INTS4: variants seen among roughly 807,000 people sequenced by gnomAD.
The protein encoded by INTS4 is MSTP093.
INTS4 carries 70 observed loss-of-function variants against 119.5 expected under a neutral mutation model. That is an observed-to-expected ratio of 0.59 (90% CI 0.48 to 0.71). The LOEUF is 0.71. INTS4 is among the 30% of genes least tolerant of loss of function. The pLI, the probability that INTS4 is intolerant of heterozygous loss-of-function variation, is 0.00. For synonymous variants in INTS4, 316 were observed against 419.6 expected, an observed-to-expected ratio of 0.75 and a Z score of 3.02; for missense variants, 867 against 1,173.2, an observed-to-expected ratio of 0.74 and a Z score of 3.81.
intron 18 of INTS4, among the ~76,000 whole-genome samples, chr11:77,895,970 T>C (rs865948172): frequency 4.3e-4 from 65 of 152,272 alleles, no homozygotes; most frequent in African/African-American, 1.4e-3. Flanking sequence ...TTTAAACTAG[T>C]CTAGACTTTC....
chr11:77,956,127 G>C, intron 7 of INTS4, 65 bp from the exon 8 acceptor site: 1 of 1,533,780 alleles, frequency 6.5e-7, no homozygotes, highest in African/African-American at 1.4e-5. Flanking sequence ...TGCAGGCTCA[G>C]GCCAGGCACA....
At chr11:77,926,784 C>T (rs1953513001) in intron 11 of INTS4, among the ~76,000 whole-genome samples, 1 of 149,232 alleles carries the variant, frequency 6.7e-6, no homozygotes, top group South Asian at 2.1e-4. Context: ...CGCACTCCAC[C>T]CTGGGGAACA....
chr11:77,901,090 G>A (rs1310126266), intron 18 of INTS4, among the ~76,000 whole-genome samples: 1 of 152,142 alleles, frequency 6.6e-6, no homozygotes, highest in Non-Finnish European at 1.5e-5. Flanking sequence ...AGAAAAAGTG[G>A]TCCCTGGCAC....
chr11:77,976,010 C>T (rs1050657822), intron 4 of INTS4, among the ~76,000 whole-genome samples: 1 of 149,370 alleles, frequency 6.7e-6, no homozygotes, highest in African/African-American at 2.4e-5. Flanking sequence ...CACACACAAA[C>T]TCCATATGCT....
chr11:77,929,352 C>T (rs1291932460), intron 10 of INTS4, among the ~76,000 whole-genome samples: 2 of 152,154 alleles, frequency 1.3e-5, no homozygotes, highest in Non-Finnish European at 2.9e-5. Context: ...TAACGTCGAT[C>T]TAAGAACATG....
At chr11:77,933,325 T>C (rs908387161) in intron 10 of INTS4, among the ~76,000 whole-genome samples, 22 of 151,814 alleles carry the variant, frequency 1.4e-4, no homozygotes, top group African/African-American at 4.6e-4. Context: ...CCTCCCTGCC[T>C]GATTGTCCTG....
chr11:77,912,772 A>G (rs1181150685), intron 15 of INTS4, among the ~76,000 whole-genome samples: 2 of 152,224 alleles, frequency 1.3e-5, no homozygotes, highest in Admixed American at 1.3e-4. Context: ...GACAGATTAC[A>G]AACGTGTATT....
chr11:77,929,460 T>C (rs1953592626), intron 10 of INTS4, among the ~76,000 whole-genome samples: 1 of 152,222 alleles, frequency 6.6e-6, no homozygotes, highest in African/African-American at 2.4e-5. Context: ...AATTAAATTG[T>C]CTTACTTATC....
At chr11:77,878,298 G>C (rs979276043), downstream of INTS4, among the ~76,000 whole-genome samples, 5 of 151,370 alleles carry the variant, frequency 3.3e-5, no homozygotes, top group East Asian at 9.7e-4. Context: ...GGAGGCAGAG[G>C]TTGCAGTAAG....
intron 21 of INTS4, among the ~76,000 whole-genome samples, chr11:77,890,207 A>G (rs1420780601): frequency 6.6e-6 from 1 of 152,224 alleles, no homozygotes; most frequent in Non-Finnish European, 1.5e-5. Context: ...GCTAGCTCAG[A>G]ACTAGTTCTC....
At chr11:77,894,596 C>T (rs1405247368) in intron 18 of INTS4, among the ~76,000 whole-genome samples, 2 of 152,188 alleles carry the variant, frequency 1.3e-5, no homozygotes, top group African/African-American at 4.8e-5. Context: ...GTATCACAGG[C>T]TACACTTGGC....
At chr11:77,972,989 T>C (rs548692477) in intron 4 of INTS4, among the ~76,000 whole-genome samples, 1 of 151,778 alleles carries the variant, frequency 6.6e-6, no homozygotes, top group African/African-American at 2.4e-5. Context: ...AACAGGCAAG[T>C]GCCACCATAC....
intron 4 of INTS4, chr11:77,963,367 A>AAAC (rs1555039221): frequency 2.6e-5 from 10 of 389,580 alleles, no homozygotes; most frequent in Non-Finnish European, 2.4e-5. Flanking sequence ...AAAAAAAAAA[A>AAAC]AAAAAAACAA....
chr11:77,896,688 G>A, intron 18 of INTS4, among the ~76,000 whole-genome samples: 1 of 144,790 alleles, frequency 6.9e-6, no homozygotes, highest in African/African-American at 2.5e-5. Context: ...TCAGAATACA[G>A]AATAGAAAAA....
chr11:77,878,844 C>A lies in INTS4; in HGVS notation c.*105G>T. 1 of 829,672 alleles carries A rather than the reference C, an allele frequency of 1.2e-6. No homozygotes were observed. Among genetic ancestry groups the A allele is most frequent in the Non-Finnish European group, 2.1e-6 (1 of 475,126 alleles). 51.4% of individuals were successfully genotyped at this position (829,672 alleles called of 1,614,324 possible). ...CAGATGAGACTGTAAGGGTCACATA[C>A]TCCTTAAGCCTACACATCAATTCCA... On this transcript the variant is annotated 3_prime_UTR_variant, in exon 23 of 23. Transcript: ENST00000534064.
intron 1 of INTS4, 60 bp downstream of exon 1, chr11:77,994,529 TG>T: frequency 7.4e-7 from 1 of 1,347,806 alleles, no homozygotes; most frequent in Non-Finnish European, 1.1e-6. Context: ...GCAAAGTGCC[TG>T]GGATTTGGAT....
At chr11:77,890,725 C>T (rs1177091723) in intron 21 of INTS4, among the ~76,000 whole-genome samples, 1 of 152,084 alleles carries the variant, frequency 6.6e-6, no homozygotes, top group Non-Finnish European at 1.5e-5. Context: ...AGAGTAAACA[C>T]GATTGCACAG....
chr11:77,988,602 T>C (rs561245343), intron 2 of INTS4, among the ~76,000 whole-genome samples: 13 of 152,172 alleles, frequency 8.5e-5, no homozygotes, highest in Non-Finnish European at 1.3e-4. Flanking sequence ...AGTTTCGATA[T>C]GAAACAGAAG....
intron 3 of INTS4, among the ~76,000 whole-genome samples, chr11:77,979,649 T>C (rs1856117974): frequency 6.7e-6 from 1 of 150,126 alleles, no homozygotes; most frequent in Non-Finnish European, 1.5e-5. Context: ...AGTGCTTGAC[T>C]GATTCAAGAG....
Sources: gnomAD v4.1 joint callset for allele counts (sites outside exome capture counted in the v4.1 genomes callset) on GRCh38, gnomAD v4.1.1 for gene constraint, MANE v1.5 for transcripts, NCBI Gene and HGNC (gene_info 2026-07-23, HGNC 2026-07-21) for gene names.